The following SLC1A5 variants were observed in gnomAD, a reference collection of about 807,000 sequenced individuals.
SLC1A5 encodes neutral amino acid transporter B(0).
In SLC1A5, 25 loss-of-function variants were observed where a neutral mutation model predicts 34.9. The observed-to-expected ratio is 0.72, with a 90% CI of 0.52 to 1.00. SLC1A5 has a LOEUF of 1.00. Among genes scored for constraint, SLC1A5 ranks in the 50% least tolerant of loss-of-function variants. The pLI, the probability that SLC1A5 is intolerant of heterozygous loss-of-function variation, is 0.00. For missense variants in SLC1A5, 637 were observed against 740.0 expected (o/e 0.86, Z 1.61); for synonymous variants, 351 against 341.2 (o/e 1.03, Z -0.32).
At position 46,788,563 on chromosome 19, in the gene SLC1A5, G is replaced by C. The variant is rs1352503740; in HGVS notation, c.-598C>G. 6.6e-6 allele frequency: 1 copy of C among 152,532 alleles called. No homozygotes were observed. Among genetic ancestry groups the C allele is most frequent in the Non-Finnish European group, 1.5e-5 (1 of 68,294 alleles). The allele number at this position is 152,532 out of a possible 1,614,324, so 9.4% of individuals were successfully genotyped here. On this transcript the variant is annotated 5_prime_UTR_variant, in exon 1 of 8. Coordinates refer to ENST00000542575, the MANE Select transcript of SLC1A5 (RefSeq NM_005628.3). ...GTCCGGGAGTAGCGGTTACCAGCCA[G>C]AGAAAGCCTCCCGGGCGTGCCGCGT...
At chr19:46,779,188 G>A (rs1224641880) in intron 4 of SLC1A5, among the ~76,000 whole-genome samples, 1 of 152,084 alleles carries the variant, frequency 6.6e-6, no homozygotes, top group Non-Finnish European at 1.5e-5. Context: ...ACTTTGGGAG[G>A]CTGAGGTGGG....
chr19:46,785,069 T>C (rs1023179461), intron 1 of SLC1A5, among the ~76,000 whole-genome samples: 9 of 152,168 alleles, frequency 5.9e-5, no homozygotes, highest in African/African-American at 2.2e-4. Context: ...TGTGTGACAG[T>C]GTCTGCCTTA....
At chr19:46,779,322 G>T (rs1028140372) in intron 4 of SLC1A5, among the ~76,000 whole-genome samples, 2 of 151,674 alleles carry the variant, frequency 1.3e-5, no homozygotes, top group African/African-American at 4.8e-5. Context: ...TACTTGGGAG[G>T]CTCAGGCAGG....
In SLC1A5 at chr19:46,775,681, G is replaced by A. The variant is rs1060043; in HGVS notation, c.1455C>T (p.Tyr485=). Residue 485 remains tyrosine, a synonymous_variant, in exon 8 of 8, where the codon TAC becomes TAT. Coordinates refer to ENST00000542575, the MANE Select transcript of SLC1A5 (RefSeq NM_005628.3). The stretch of plus-strand genomic sequence containing the variant: ...TGCTTCTCGACTCCGTACGGTCCAC[G>A]TAATTTTGGAGGAGTCCTGCCCCCA... ...DALGAGLLQN[Y]VDRTESRSTE... The A allele has an allele frequency of 0.094, 151,280 of 1,613,874 alleles. 8,135 individuals carry two copies. The highest frequency in any genetic ancestry group is 0.15 in the Middle Eastern group (898 of 6,060).
rs1258574697 is a variant in SLC1A5 at position 46,787,918 on chromosome 19, C to T, written c.48G>A (p.Glu16=). ...GCGCCAGGCCCCCGTTGGCGGTGGG[C>T]TCCGCCGCTGCGAGCCCCTTGGAGT... The part of the protein sequence containing the change: ...PRDSKGLAAA[E]PTANGGLALA... The change falls in exon 1 of 8, where the codon GAG becomes GAA. Residue 16 remains glutamate, a synonymous_variant. Transcript: ENST00000542575. This position sits in a 1 kb window ranked among gnomAD's most constrained non-coding sequence, Gnocchi z 5.2. 6.3e-7 allele frequency: 1 copy of T among 1,574,912 alleles called. No individual in the cohort carries two copies. Among genetic ancestry groups the T allele is most frequent in the Non-Finnish European group, 8.6e-7 (1 of 1,162,350 alleles).
Position 46,782,345 on chromosome 19 carries a change from A to ACCCCCCCCCCCCCC in SLC1A5, c.824+37_824+38insGGGGGGGGGGGGGG. The ACCCCCCCCCCCCCC allele has an allele frequency of 1.5e-4, 44 of 292,410 alleles. 1 individual carries two copies. The highest frequency in any genetic ancestry group is 7.3e-4 in the East Asian group (10 of 13,668). 18.1% of individuals were successfully genotyped at this position (292,410 alleles called of 1,614,324 possible). A position where few individuals can be genotyped will look rare whatever the true frequency, so the allele number is the denominator to read the frequency against. The stretch of plus-strand genomic sequence containing the variant: ...GCCTCTGGCAGCAGACCGACCCTCC[A>ACCCCCCCCCCCCCC]ACCCCACCCACCCCCAGCCTCCTCT... On this transcript the variant is annotated intron_variant, in intron 4 of 7. Transcript: ENST00000542575.
At position 46,779,761 on chromosome 19, in the gene SLC1A5, G is replaced by A. The variant is rs528984101; in HGVS notation, c.825-853C>T. On this transcript the variant is annotated intron_variant, in intron 4 of 7. Transcript: ENST00000542575. ...CAAAAAATAAAAATAGGCCAGGCAC[G>A]GTGGCTCATACCTGTAATCCCAGCA... Among the ~76,000 whole-genome samples the A allele has an allele frequency of 7.2e-5, 11 of 152,072 alleles. No homozygotes were observed. The South Asian group carries it at 1.2e-3, about 17-fold the overall frequency.
chr19:46,776,015 A>G (rs2055085599), intron 7 of SLC1A5, among the ~76,000 whole-genome samples: 2 of 151,250 alleles, frequency 1.3e-5, no homozygotes, highest in South Asian at 2.1e-4. Flanking sequence ...TGGGAGGTGG[A>G]GGCTGCAGTG....
In SLC1A5 at chr19:46,784,669, G is replaced by A. The variant is rs537654693; in HGVS notation, c.567-110C>T. 31 of 1,605,228 alleles carry A rather than the reference G, an allele frequency of 1.9e-5. 1 individual carries two copies. The highest frequency in any genetic ancestry group is 1.2e-4 in the South Asian group (11 of 90,198). On this transcript the variant is annotated intron_variant, in intron 1 of 7. Coordinates refer to ENST00000542575, the MANE Select transcript of SLC1A5 (RefSeq NM_005628.3). Reference sequence around the variant, plus strand: ...CAGCGAGTGGAAGCTTTGGGGGCCCGCCTGCACGCAAATACAGCCCCTACT... The same window carrying A: ...CAGCGAGTGGAAGCTTTGGGGGCCCACCTGCACGCAAATACAGCCCCTACT...
Position 46,778,744 on chromosome 19 carries a change from C to A in SLC1A5, c.989G>T (p.Arg330Leu), listed in dbSNP as rs749537352. 3 of 1,575,824 alleles carry A rather than the reference C, an allele frequency of 1.9e-6. No homozygotes were observed. The highest frequency in any genetic ancestry group is 3.4e-5 in the Admixed American group (2 of 58,748). The part of the protein sequence containing the change: ...VLPLIYFLFT[R>L]KNPYRFLWGI... ...CCACAGGAAGCGGTAGGGGTTTTTG[C>A]GGGTGAAGAGGAAGTAGATGAGGGG... The change falls in exon 5 of 8, where the codon CGC becomes CTC. Residue 330 changes from arginine (R) to leucine (L), a missense_variant. Physicochemically the swap from Arg to Leu is moderately radical, Grantham distance 102. Coordinates refer to ENST00000542575, the MANE Select transcript of SLC1A5 (RefSeq NM_005628.3).
At position 46,787,735 on chromosome 19, in the gene SLC1A5, AC is replaced by A; in HGVS notation, c.230del (p.Gly77ValfsTer10). ...ALGLGVSGAG[G>X]ALALGPERLS... The stretch of plus-strand genomic sequence containing the variant: ...AGCGCTCCGGGCCCAACGCCAGCGC[AC>A]CCCCGGCCCCCGACACCCCCAGTCC... On this transcript the variant is annotated frameshift_variant, in exon 1 of 8. Coordinates refer to ENST00000542575, the MANE Select transcript of SLC1A5 (RefSeq NM_005628.3). LOFTEE classifies it high-confidence loss of function. This position sits in a 1 kb window ranked among gnomAD's most constrained non-coding sequence, Gnocchi z 5.2. 2 of 1,558,112 alleles carry A rather than the reference AC, an allele frequency of 1.3e-6. No homozygotes were observed. The highest frequency in any genetic ancestry group is 8.7e-7 in the Non-Finnish European group (1 of 1,156,060).
At position 46,787,709 on chromosome 19, in the gene SLC1A5, A is replaced by T; in HGVS notation, c.257T>A (p.Leu86Ter). 3 of 1,580,510 alleles carry T rather than the reference A, an allele frequency of 1.9e-6. No homozygotes were observed. The highest frequency in any genetic ancestry group is 1.7e-6 in the Non-Finnish European group (2 of 1,167,978). ...GGALALGPER[L>*]SAFVFPGELL... ...CTCGCCCGGGAAGACGAAGGCGCTC[A>T]AGCGCTCCGGGCCCAACGCCAGCGC... Residue 86 changes from leucine (L) to a stop codon, truncating the protein, a stop_gained, in exon 1 of 8, where the codon TTG (leucine) becomes TAG (stop). Coordinates refer to ENST00000542575, the MANE Select transcript of SLC1A5 (RefSeq NM_005628.3). LOFTEE classifies it high-confidence loss of function. This position sits in a 1 kb window ranked among gnomAD's most constrained non-coding sequence, Gnocchi z 5.2.
In SLC1A5 at chr19:46,775,051, GAACACACACA is replaced by G. The variant is rs751841442; in HGVS notation, c.*449_*458del. 2.6e-5 allele frequency: 24 copies of G among 910,642 alleles called. No individual in the cohort carries two copies. The highest frequency in any genetic ancestry group is 6.0e-5 in the African/African-American group (2 of 33,366). 56.4% of individuals were successfully genotyped at this position (910,642 alleles called of 1,614,324 possible). On this transcript the variant is annotated 3_prime_UTR_variant, in exon 8 of 8. Coordinates refer to ENST00000542575, the MANE Select transcript of SLC1A5 (RefSeq NM_005628.3). The stretch of plus-strand genomic sequence containing the variant: ...CGTACCATGGGGACAGGAGGTCACA[GAACACACACA>G]CACACACACACACACACACACACAC...
At chr19:46,783,563 A>G (rs1041368645) in intron 3 of SLC1A5, among the ~76,000 whole-genome samples, 1 of 152,114 alleles carries the variant, frequency 6.6e-6, no homozygotes, top group Non-Finnish European at 1.5e-5. Context: ...CGAGGCGGCC[A>G]AGGTGGGCAG....
intron 7 of SLC1A5, 34 bp from the exon 8 acceptor site, chr19:46,775,781 G>A: frequency 6.3e-7 from 1 of 1,599,124 alleles, no homozygotes; most frequent in Non-Finnish European, 8.5e-7. Flanking sequence ...AAGTAAGCGG[G>A]AGGGGAGAGG....
chr19:46,782,344 CA>C, intron 4 of SLC1A5, 38 bp downstream of exon 4: 1 of 617,112 alleles, frequency 1.6e-6, no homozygotes, highest in Non-Finnish European at 2.9e-6. Flanking sequence ...ACCGACCCTC[CA>C]ACCCCACCCA....
rs1159152719 is a variant in SLC1A5, at chr19:46,777,365, T to C, written c.1099A>G (p.Asn367Asp). The C allele has an allele frequency of 1.2e-6, 2 of 1,613,252 alleles. No individual in the cohort carries two copies. ...CTGATGTGCTTGGCCACGCCATTATTCTCCTCCACGCACTTCATCATCAGC... is the reference window on the plus strand; with the variant it reads ...CTGATGTGCTTGGCCACGCCATTATCCTCCTCCACGCACTTCATCATCAGC... ...LPLMMKCVEE[N>D]NGVAKHISRF... The change falls in exon 6 of 8, where the codon AAT becomes GAT. Residue 367 changes from asparagine (N) to aspartate (D), a missense_variant. Transcript: ENST00000542575.
In SLC1A5 at chr19:46,784,151, G is replaced by A. The variant is rs745976107; in HGVS notation, c.610-7C>T. ...CTTCATAGGTGGTAGAGTACTGTAG[G>A]TGGGGTTGGGAAGAGTCAGTGTCCA... On this transcript the variant is annotated splice_region_variant and splice_polypyrimidine_tract_variant and intron_variant, in intron 2 of 7. Transcript: ENST00000542575. 6.2e-7 allele frequency: 1 copy of A among 1,610,980 alleles called. No individual in the cohort carries two copies. The highest frequency in any genetic ancestry group is 8.5e-7 in the Non-Finnish European group (1 of 1,177,372).
At chr19:46,784,280 G>T in intron 2 of SLC1A5, 136 bp from the exon 3 acceptor site, 1 of 802,040 alleles carries the variant, frequency 1.2e-6, no homozygotes, top group Non-Finnish European at 2.0e-6. Flanking sequence ...GCAACCCCAT[G>T]GGGCAGGATG....
Sources: gnomAD v4.1 joint callset for allele counts (sites outside exome capture counted in the v4.1 genomes callset) on GRCh38, gnomAD v4.1.1 for gene constraint, Gnocchi (gnomAD v3.1) non-coding constraint, MANE v1.5 for transcripts, NCBI Gene and HGNC (gene_info 2026-07-23, HGNC 2026-07-21) for gene names.